The following UBR4 variants were observed in gnomAD, a reference collection of about 807,000 sequenced individuals.
The protein encoded by UBR4 is ubiquitin protein ligase E3 component n-recognin 4, also known as E3 ubiquitin-protein ligase UBR4.
A neutral mutation model predicts 575.6 loss-of-function variants in UBR4; 124 were observed. The observed-to-expected ratio is 0.22, with a 90% CI of 0.19 to 0.25. The LOEUF (loss-of-function observed/expected upper bound fraction) is 0.25. Among genes scored for constraint, UBR4 ranks in the 10% least tolerant of loss-of-function variants. The pLI is 1.00. For missense variants in UBR4, 4,818 were observed against 6,478.8 expected, an observed-to-expected ratio of 0.74 and a Z score of 8.80; for synonymous variants, 2,455 against 2,473.7, an observed-to-expected ratio of 0.99 and a Z score of 0.22.
chr1:19,170,896 C>G lies in UBR4; in HGVS notation c.3522-13G>C. On this transcript the variant is annotated splice_polypyrimidine_tract_variant and intron_variant, in intron 25 of 105. Coordinates refer to ENST00000375254, the MANE Select transcript of UBR4 (RefSeq NM_020765.3). The stretch of plus-strand genomic sequence containing the variant: ...CAGCAAATAGGCTCTGGGGAAAAAA[C>G]AGGGGGAAAGTGAAGCCATAAGATT... 6.2e-7 allele frequency: 1 copy of G among 1,614,062 alleles called. No individual in the cohort carries two copies. The highest frequency in any genetic ancestry group is 8.5e-7 in the Non-Finnish European group (1 of 1,179,972).
At chr1:19,196,713 T>G (rs555231349) in intron 8 of UBR4, among the ~76,000 whole-genome samples, 1 of 152,224 alleles carries the variant, frequency 6.6e-6, no homozygotes, top group South Asian at 2.1e-4. Flanking sequence ...CAAGACTCAA[T>G]CCCTCTCTTC....
At chr1:19,160,837 C>T in intron 38 of UBR4, 80 bp downstream of exon 38, 1 of 1,332,492 alleles carries the variant, frequency 7.5e-7, no homozygotes, top group Non-Finnish European at 1.1e-6. Context: ...CAAGGGGAGC[C>T]ATGTGCATTA....
chr1:19,178,735 C>A (rs2090556926), intron 18 of UBR4, among the ~76,000 whole-genome samples: 1 of 152,166 alleles, frequency 6.6e-6, no homozygotes, highest in Admixed American at 6.5e-5. Context: ...AGCAAAATAA[C>A]CAAGGACAGA....
intron 96 of UBR4, 51 bp from the exon 97 acceptor site, chr1:19,092,969 T>G (rs1451830220): frequency 6.5e-7 from 1 of 1,529,128 alleles, no homozygotes; most frequent in East Asian, 2.3e-5. Flanking sequence ...AAAGGCTACC[T>G]AGAAACCAGT....
chr1:19,197,534 T>C, intron 7 of UBR4, 136 bp downstream of exon 7: 2 of 1,279,620 alleles, frequency 1.6e-6, no homozygotes, highest in Non-Finnish European at 2.1e-6. Flanking sequence ...GAGGCTGAGG[T>C]GGGAGAACTG....
intron 54 of UBR4, 93 bp from the exon 55 acceptor site, chr1:19,144,184 T>G (rs181741007): frequency 1.5e-5 from 17 of 1,159,668 alleles, no homozygotes; most frequent in Non-Finnish European, 1.3e-5. Flanking sequence ...CTCACTCACA[T>G]GCAAGTGGAA....
At chr1:19,083,797 G>A (rs2148626104) in intron 102 of UBR4, among the ~76,000 whole-genome samples, 1 of 152,350 alleles carries the variant, frequency 6.6e-6, no homozygotes, top group South Asian at 2.1e-4. Flanking sequence ...GGGATGACAG[G>A]CGTGAGCCAC....
At chr1:19,184,448 T>C (rs79813307) in intron 15 of UBR4, among the ~76,000 whole-genome samples, 5 of 152,236 alleles carry the variant, frequency 3.3e-5, no homozygotes, top group Admixed American at 2.6e-4. Context: ...CCAAATAGAC[T>C]GACCCATTTC....
At position 19,093,302 on chromosome 1, in the gene UBR4, G is replaced by C. The variant is rs984580176; in HGVS notation, c.14111+11C>G. 12 of 1,610,578 alleles carry C rather than the reference G, an allele frequency of 7.5e-6. No individual in the cohort carries two copies. The highest frequency in any genetic ancestry group is 8.5e-6 in the Non-Finnish European group (10 of 1,178,340). Reference sequence around the variant, plus strand: ...AAGGCAAAGCAGCCCCGCTGCGGGAGGGCTTCATACTTCTTGGCGCTAGGG... The same window carrying C: ...AAGGCAAAGCAGCCCCGCTGCGGGACGGCTTCATACTTCTTGGCGCTAGGG... On this transcript the variant is annotated intron_variant, in intron 96 of 105. Coordinates refer to ENST00000375254, the MANE Select transcript of UBR4 (RefSeq NM_020765.3). This position sits in a 1 kb window ranked among gnomAD's most constrained non-coding sequence, Gnocchi z 4.8.
In UBR4 at chr1:19,084,704, G is replaced by A; in HGVS notation, c.14814-6C>T. 1 of 1,590,716 alleles carries A rather than the reference G, an allele frequency of 6.3e-7. No homozygotes were observed. The highest frequency in any genetic ancestry group is 8.6e-7 in the Non-Finnish European group (1 of 1,163,428). The stretch of plus-strand genomic sequence containing the variant: ...CCTGGAGGTAAGTGTTGTGTCTAGA[G>A]GGAAGCAGAACAAACAATGAAATGG... On this transcript the variant is annotated splice_region_variant and splice_polypyrimidine_tract_variant and intron_variant, in intron 101 of 105. Transcript: ENST00000375254.
chr1:19,177,580 A>T lies in UBR4; in HGVS notation c.2518T>A (p.Leu840Met). The stretch of plus-strand genomic sequence containing the variant: ...ATCTGAGCATCCATGTTGACGCTCA[A>T]CTCCTGGATGATCTGGACAAAAAGC... ...LSLFVQIIQELSVNMDAQMRF... is the reference protein window; with the variant it reads ...LSLFVQIIQEMSVNMDAQMRF... The change falls in exon 19 of 106, where the codon TTG becomes ATG. Residue 840 changes from leucine (L) to methionine (M), a missense_variant. By Grantham distance (15) the Leu-to-Met change is conservative. This residue lies in a region of UBR4 where 1,172 missense variants were observed against 1,259.7 expected (regional missense o/e 0.93). Coordinates refer to ENST00000375254, the MANE Select transcript of UBR4 (RefSeq NM_020765.3). 1 of 1,613,582 alleles carries T rather than the reference A, an allele frequency of 6.2e-7. No homozygotes were observed.
chr1:19,193,363 G>A, intron 9 of UBR4, 70 bp downstream of exon 9: 1 of 1,570,002 alleles, frequency 6.4e-7, no homozygotes, highest in Non-Finnish European at 8.7e-7. Context: ...TATCATGGAA[G>A]AAAGTGGAAC....
At chr1:19,077,910 A>G in intron 104 of UBR4, 66 bp downstream of exon 104, 2 of 1,611,842 alleles carry the variant, frequency 1.2e-6, no homozygotes, top group Non-Finnish European at 1.7e-6. Flanking sequence ...AGGCAGAGTC[A>G]GGGACAGGAG....
chr1:19,109,743 G>C (rs1395051679), intron 81 of UBR4, among the ~76,000 whole-genome samples: 2 of 152,260 alleles, frequency 1.3e-5, no homozygotes, highest in Non-Finnish European at 2.9e-5. Context: ...GTCTGCTTCA[G>C]AGCCTGGGAT....
At position 19,198,882 on chromosome 1, in the gene UBR4, C is replaced by T. The variant is rs61759873; in HGVS notation, c.425G>A (p.Arg142Gln). The change falls in exon 4 of 106, where the codon CGA becomes CAA. Residue 142 changes from arginine to glutamine, a missense_variant. Coordinates refer to ENST00000375254, the MANE Select transcript of UBR4 (RefSeq NM_020765.3). ...LIKGLCTGCS[R>Q]LDRTEIITFT... ...TGTGATAATTTCAGTTCTATCTAGT[C>T]GGCTACAGCCAGTGCACAGGCCCTT... 502 of 1,614,116 alleles carry T rather than the reference C, an allele frequency of 3.1e-4. No homozygotes were observed. Among genetic ancestry groups the T allele is most frequent in the Admixed American group, 5.5e-4 (33 of 60,016 alleles).
intron 78 of UBR4, chr1:19,112,224 T>C: frequency 2.9e-6 from 1 of 347,392 alleles, no homozygotes; most frequent in Middle Eastern, 7.8e-4. Flanking sequence ...TGAGTCTTTC[T>C]CGAGTTCAAG....
At position 19,110,732 on chromosome 1, in the gene UBR4, G is replaced by T; in HGVS notation, c.11892+10C>A. The T allele has an allele frequency of 6.2e-7, 1 of 1,613,914 alleles. No homozygotes were observed. ...CAGAGAGGACAGCTGGGCCTGCTAG[G>T]CCGGCTCACCAGATCGGGGTTGGCC... On this transcript the variant is annotated intron_variant, in intron 79 of 105. Transcript: ENST00000375254. The surrounding 1 kb of genome is among the most constrained non-coding windows in gnomAD (Gnocchi z 4.5).
intron 104 of UBR4, 156 bp downstream of exon 104, chr1:19,077,819 AT>A (rs2076100373): frequency 1.3e-6 from 2 of 1,544,220 alleles, no homozygotes; most frequent in African/African-American, 2.7e-5. Context: ...GCCAGTGTCA[AT>A]CCCTCCCACA....
At chr1:19,077,836 G>A (rs76582538) in intron 104 of UBR4, 140 bp downstream of exon 104, 1 of 1,550,544 alleles carries the variant, frequency 6.4e-7, no homozygotes, top group Non-Finnish European at 8.7e-7. Flanking sequence ...CCACAGTTGG[G>A]GTTGTTTGTT....
Sources: gnomAD v4.1 joint callset for allele counts (sites outside exome capture counted in the v4.1 genomes callset) on GRCh38, gnomAD v4.1.1 for gene constraint, gnomAD v4.1.1 regional missense constraint, Gnocchi (gnomAD v3.1) non-coding constraint, MANE v1.5 for transcripts, NCBI Gene and HGNC (gene_info 2026-07-23, HGNC 2026-07-21) for gene names.